ZFP90: variants seen among roughly 807,000 people sequenced by gnomAD.
ZFP90 encodes the protein ZFP90 zinc finger protein.
Under a neutral mutation model 60.8 loss-of-function variants are expected in ZFP90, and 38 were observed. The ratio of observed to expected loss-of-function variants is 0.62; its 90% CI spans 0.48 to 0.82. ZFP90 has a LOEUF of 0.82. ZFP90 is among the 40% of genes least tolerant of loss of function. The pLI, the probability that ZFP90 is intolerant of heterozygous loss-of-function variation, is 0.00. For synonymous variants in ZFP90, 287 were observed against 264.8 expected, an observed-to-expected ratio of 1.08 and a Z score of -0.82; for missense variants, 711 against 759.1, an observed-to-expected ratio of 0.94 and a Z score of 0.74.
intron 2 of ZFP90, among the ~76,000 whole-genome samples, chr16:68,543,648 C>G (rs953344349): frequency 1.3e-5 from 2 of 151,854 alleles, no homozygotes; most frequent in Non-Finnish European, 2.9e-5. Context: ...GCAACCTCTG[C>G]CTCCCTGATT....
rs1252341256 is a variant in ZFP90, at chr16:68,544,767, G to A, written c.33+4942G>A. 2.6e-5 allele frequency among the ~76,000 whole-genome samples: 4 copies of A among 151,854 alleles called. No individual in the cohort carries two copies. In the East Asian group the frequency reaches 5.8e-4, roughly 22 times the overall value. On this transcript the variant is annotated intron_variant, in intron 2 of 4. Coordinates refer to ENST00000563169, the MANE Select transcript of ZFP90 (RefSeq NM_001305203.2). Reference sequence around the variant, plus strand: ...GTTCCCCTTCTCAGCTTCAGCCTGAGCTGACAGGAGGTGGTCTCTAAGTCT... The same window carrying A: ...GTTCCCCTTCTCAGCTTCAGCCTGAACTGACAGGAGGTGGTCTCTAAGTCT...
At chr16:68,573,117 T>C (rs1567417549) in intron 2 of ZFP90, among the ~76,000 whole-genome samples, 1 of 152,224 alleles carries the variant, frequency 6.6e-6, no homozygotes, top group East Asian at 1.9e-4. Flanking sequence ...GATTGTGCTC[T>C]AAAACCCAGA....
downstream of ZFP90, among the ~76,000 whole-genome samples, chr16:68,570,050 ACG>A (rs1491180170): frequency 5.5e-5 from 3 of 54,286 alleles, no homozygotes; most frequent in African/African-American, 1.9e-4. Flanking sequence ...GTGTGTGTAT[ACG>A]TGTGTGTGTG....
In ZFP90 at chr16:68,575,934, T is replaced by G. The variant is rs530164980; in HGVS notation, c.*58T>G. On this transcript the variant is annotated 3_prime_UTR_variant, in exon 3 of 3. Coordinates refer to the ZFP90 transcript ENST00000573113. ...GAAGTTCTCTGCCCCGTACAAGCCA[T>G]GCAAATACTGACAAAACTGTGAGAA... 4 of 397,084 alleles carry G rather than the reference T, an allele frequency of 1.0e-5. No homozygotes were observed. In the South Asian group the frequency reaches 5.2e-4, roughly 52 times the overall value. The allele number at this position is 397,084 out of a possible 1,614,324, so 24.6% of individuals were successfully genotyped here.
At chr16:68,554,863 G>A (rs2091318809) in intron 2 of ZFP90, among the ~76,000 whole-genome samples, 1 of 152,190 alleles carries the variant, frequency 6.6e-6, no homozygotes, top group Admixed American at 6.5e-5. Flanking sequence ...AGGAGTCCTG[G>A]TTGGGCAATG....
intron 2 of ZFP90, among the ~76,000 whole-genome samples, chr16:68,544,565 C>T (rs2091111114): frequency 6.6e-6 from 1 of 152,142 alleles, no homozygotes; most frequent in African/African-American, 2.4e-5. Context: ...TCTCTGTTGA[C>T]TCTGGATTAC....
At chr16:68,569,572 G>A (rs142629720), downstream of ZFP90, among the ~76,000 whole-genome samples, 7 of 152,200 alleles carry the variant, frequency 4.6e-5, no homozygotes, top group East Asian at 1.4e-3. Flanking sequence ...CACTCAGCTG[G>A]TGACCTTATT....
intron 2 of ZFP90, among the ~76,000 whole-genome samples, chr16:68,548,179 G>C (rs1183628685): frequency 6.6e-6 from 1 of 152,132 alleles, no homozygotes; most frequent in African/African-American, 2.4e-5. Context: ...CCACCAGAGA[G>C]AAAGCACTCT....
At chr16:68,558,385 G>A (rs2091381532) in intron 3 of ZFP90, 88 bp from the exon 4 acceptor site, 2 of 1,283,056 alleles carry the variant, frequency 1.6e-6, no homozygotes, top group South Asian at 2.4e-5. Context: ...AGTTCCTGAG[G>A]ATCAAGGACT....
At chr16:68,561,083 CAG>C (rs1256240987) in intron 4 of ZFP90, among the ~76,000 whole-genome samples, 1 of 151,854 alleles carries the variant, frequency 6.6e-6, no homozygotes, top group African/African-American at 2.4e-5. Context: ...TTAATAGAGA[CAG>C]GGTTTCACCG....
intron 2 of ZFP90, among the ~76,000 whole-genome samples, chr16:68,545,052 T>G (rs1246418209): frequency 6.6e-6 from 1 of 151,962 alleles, no homozygotes; most frequent in African/African-American, 2.4e-5. Flanking sequence ...GCTAATTTTT[T>G]GTATTTTTAG....
intron 2 of ZFP90, among the ~76,000 whole-genome samples, chr16:68,547,781 G>C (rs1358693020): frequency 6.6e-6 from 1 of 151,304 alleles, no homozygotes; most frequent in African/African-American, 2.4e-5. Flanking sequence ...ATAATGCTGG[G>C]ATAAAATTCC....
At chr16:68,572,094 C>T (rs1241240668), downstream of ZFP90, among the ~76,000 whole-genome samples, 1 of 151,988 alleles carries the variant, frequency 6.6e-6, no homozygotes, top group Non-Finnish European at 1.5e-5. Flanking sequence ...AAGCCTCAAA[C>T]TCCTGGGCTC....
intron 4 of ZFP90, among the ~76,000 whole-genome samples, chr16:68,560,075 C>CT (rs909126552): frequency 6.6e-6 from 1 of 152,272 alleles, no homozygotes. Flanking sequence ...ATAGCTCACT[C>CT]TGTTTTTTCT....
chr16:68,573,177 A>G (rs1597761389), intron 2 of ZFP90, among the ~76,000 whole-genome samples: 1 of 152,382 alleles, frequency 6.6e-6, no homozygotes, highest in South Asian at 2.1e-4. Context: ...ACAAGTGGGC[A>G]GGAGCCATAA....
intron 4 of ZFP90, among the ~76,000 whole-genome samples, chr16:68,560,169 A>G (rs2091415448): frequency 6.6e-6 from 1 of 152,218 alleles, no homozygotes; most frequent in African/African-American, 2.4e-5. Flanking sequence ...TTTAGAGCAT[A>G]GAGGTCAGTG....
At chr16:68,547,963 G>A (rs2091181495) in intron 2 of ZFP90, among the ~76,000 whole-genome samples, 1 of 151,930 alleles carries the variant, frequency 6.6e-6, no homozygotes, top group Admixed American at 6.6e-5. Flanking sequence ...AAGTAGCTGG[G>A]ATTACAGGCG....
At chr16:68,541,190 C>G (rs2091043136) in intron 2 of ZFP90, among the ~76,000 whole-genome samples, 1 of 152,118 alleles carries the variant, frequency 6.6e-6, no homozygotes, top group Non-Finnish European at 1.5e-5. Flanking sequence ...GTGTACACCA[C>G]CACACCCGGC....
At chr16:68,557,124 A>G (rs771844802) in intron 2 of ZFP90, 31 of 450,012 alleles carry the variant, frequency 6.9e-5, no homozygotes, top group South Asian at 4.8e-4. Context: ...AGTAGCTGGG[A>G]CTGTAGGCAC....
Sources: gnomAD v4.1 joint callset for allele counts (sites outside exome capture counted in the v4.1 genomes callset) on GRCh38, gnomAD v4.1.1 for gene constraint, MANE v1.5 for transcripts, NCBI Gene and HGNC (gene_info 2026-07-23, HGNC 2026-07-21) for gene names.